ADGRG4: variants seen among roughly 807,000 people sequenced by gnomAD.
The protein encoded by ADGRG4 is adhesion G protein-coupled receptor G4.
A neutral mutation model predicts 126.2 loss-of-function variants in ADGRG4; 122 were observed. That is an observed-to-expected ratio of 0.97 (90% CI 0.83 to 1.12). ADGRG4 has a LOEUF of 1.12. Among genes scored for constraint, ADGRG4 ranks in the 50% most tolerant of loss-of-function variants. The probability of loss-of-function intolerance (pLI) is 0.00; values close to 1 mark genes in which losing one functional copy is unlikely to be tolerated. For missense variants in ADGRG4, 2,481 were observed against 2,251.8 expected (o/e 1.10, Z -2.06); for synonymous variants, 943 against 838.7 (o/e 1.12, Z -2.15).
chrX:136,349,784 C>T lies in ADGRG4; in HGVS notation c.6078C>T (p.Ala2026=). ...CCCCTCCGGCAACTGTATCTAATGC[C>T]CCTCATGTTATGACTTCCTCTACAG... The part of the protein sequence containing the change: ...SGSPPATVSN[A]PHVMTSSTVE... Residue 2026 remains alanine (A), a synonymous_variant, in exon 6 of 26, where the codon GCC becomes GCT. Transcript: ENST00000394143. The T allele has an allele frequency of 5.0e-6, 6 of 1,210,252 alleles. No individual in the cohort carries two copies. Among genetic ancestry groups the T allele is most frequent in the Middle Eastern group, 2.3e-4 (1 of 4,348 alleles).
At chrX:136,360,652 G>A (rs989616027) in intron 11 of ADGRG4, among the ~76,000 whole-genome samples, 1 of 111,389 alleles carries the variant, frequency 9.0e-6, no homozygotes, top group Admixed American at 9.6e-5. Flanking sequence ...TGAGGCAGGG[G>A]GATCACTTGA....
intron 16 of ADGRG4, among the ~76,000 whole-genome samples, chrX:136,390,142 C>T (rs1308453931): frequency 9.0e-6 from 1 of 111,423 alleles, no homozygotes; most frequent in African/African-American, 3.3e-5. Context: ...CCTCTAACTC[C>T]TGGGTTCAAG....
chrX:136,416,389 T>G, intron 25 of ADGRG4, 65 bp from the exon 26 acceptor site: 1 of 882,979 alleles, frequency 1.1e-6, no homozygotes, highest in Non-Finnish European at 1.6e-6. Context: ...AATTTTCTTA[T>G]GCTTCTACTA....
At chrX:136,356,053 C>T (rs1382341703) in intron 8 of ADGRG4, 73 bp from the exon 9 acceptor site, 24 of 760,143 alleles carry the variant, frequency 3.2e-5, no homozygotes, top group Non-Finnish European at 4.5e-5. Context: ...AGTTGCCTTT[C>T]TCCTGATCTC....
chrX:136,365,037 C>A (rs1051211302), intron 13 of ADGRG4, among the ~76,000 whole-genome samples: 1 of 111,997 alleles, frequency 8.9e-6, no homozygotes, highest in African/African-American at 3.2e-5. Flanking sequence ...ACTCCTTCAT[C>A]AACACAGCAT....
chrX:136,330,054 G>C (rs1045005010), intron 5 of ADGRG4, among the ~76,000 whole-genome samples: 1 of 110,637 alleles, frequency 9.0e-6, no homozygotes, highest in Non-Finnish European at 1.9e-5. Context: ...ATAACAAACA[G>C]AACATTGACA....
intron 20 of ADGRG4, among the ~76,000 whole-genome samples, chrX:136,398,586 T>G (rs921366096): frequency 8.9e-6 from 1 of 112,035 alleles, no homozygotes; most frequent in African/African-American, 3.2e-5. Context: ...TGTACTTCTC[T>G]GCACCCACCA....
chrX:136,351,472 C>A lies in ADGRG4; in HGVS notation c.6753C>A (p.Ser2251Arg). The stretch of plus-strand genomic sequence containing the variant: ...TTTCCTTCTACAATGTTGAAATGAG[C>A]TTCTCTGTCTTTGTTGAAGAGCCAA... Reference protein sequence around the residue: ...STVSFYNVEMSFSVFVEEPRI... With the variant: ...STVSFYNVEMRFSVFVEEPRI... Residue 2251 changes from serine (S) to arginine (R), a missense_variant, in exon 7 of 26, where the codon AGC (serine) becomes AGA (arginine). Ser to Arg is a moderately radical substitution (Grantham distance 110). Coordinates refer to ENST00000394143, the MANE Select transcript of ADGRG4 (RefSeq NM_153834.4). The A allele has an allele frequency of 8.7e-7, 1 of 1,151,974 alleles. No homozygotes were observed. The highest frequency in any genetic ancestry group is 2.0e-5 in the South Asian group (1 of 49,639). The allele number at this position is 1,151,974 out of a possible 1,213,427, so 94.9% of individuals were successfully genotyped here.
intron 4 of ADGRG4, among the ~76,000 whole-genome samples, chrX:136,321,777 T>C (rs2074840887): frequency 8.9e-6 from 1 of 112,154 alleles, no homozygotes; most frequent in Non-Finnish European, 1.9e-5. Context: ...GCCGAACTAC[T>C]TACCAAAAGA....
At chrX:136,328,445 G>A (rs1052466820) in intron 5 of ADGRG4, among the ~76,000 whole-genome samples, 83 of 111,866 alleles carry the variant, frequency 7.4e-4, no homozygotes, top group African/African-American at 2.6e-3. Flanking sequence ...TTTGACCTGT[G>A]AATGTATGAA....
chrX:136,344,879 T>C lies in ADGRG4; in HGVS notation c.1173T>C (p.Ile391=), dbSNP rs748196995. Residue 391 remains isoleucine (I), a synonymous_variant, in exon 6 of 26, where the codon ATT becomes ATC. Transcript: ENST00000394143. ...KNSVVSTTSA[I]KSQSAVTKTT... ...CAGTTGTATCTACAACTTCAGCAAT[T>C]AAATCTCAGTCGGCTGTTACGAAGA... 1.7e-6 allele frequency: 2 copies of C among 1,210,870 alleles called. No individual in the cohort carries two copies. The highest frequency in any genetic ancestry group is 2.2e-6 in the Non-Finnish European group (2 of 894,610).
intron 23 of ADGRG4, among the ~76,000 whole-genome samples, chrX:136,410,060 C>T (rs1173716128): frequency 8.9e-6 from 1 of 112,407 alleles, no homozygotes; most frequent in African/African-American, 3.2e-5. Flanking sequence ...CTGCCATATA[C>T]TAATTGCTAA....
At chrX:136,342,845 C>T (rs781104785) in intron 5 of ADGRG4, among the ~76,000 whole-genome samples, 32 of 105,177 alleles carry the variant, frequency 3.0e-4, no homozygotes, top group Middle Eastern at 4.8e-3. Context: ...TTCTTTTTAT[C>T]CTATGAGCAA....
intron 5 of ADGRG4, among the ~76,000 whole-genome samples, chrX:136,333,703 A>G (rs763193205): frequency 9.1e-6 from 1 of 110,079 alleles, no homozygotes; most frequent in Admixed American, 9.7e-5. Flanking sequence ...TTTTTAGTAG[A>G]GATGAGGTCT....
chrX:136,377,975 G>A (rs1214518659), intron 15 of ADGRG4, among the ~76,000 whole-genome samples: 2 of 110,401 alleles, frequency 1.8e-5, no homozygotes, highest in African/African-American at 6.6e-5. Context: ...CCTTTTGCAT[G>A]TCCATATAAA....
intron 23 of ADGRG4, among the ~76,000 whole-genome samples, chrX:136,410,554 C>G (rs1198166830): frequency 9.0e-6 from 1 of 111,681 alleles, no homozygotes; most frequent in Non-Finnish European, 1.9e-5. Context: ...GGACAACCAG[C>G]CAATTTAGAG....
intron 15 of ADGRG4, among the ~76,000 whole-genome samples, chrX:136,382,429 G>A (rs968959102): frequency 5.3e-5 from 6 of 112,243 alleles, no homozygotes; most frequent in East Asian, 2.8e-4. Flanking sequence ...TACAGTCTCC[G>A]TTTTTGTAGC....
At chrX:136,330,016 T>C (rs2148455369) in intron 5 of ADGRG4, among the ~76,000 whole-genome samples, 1 of 111,495 alleles carries the variant, frequency 9.0e-6, no homozygotes, top group East Asian at 2.8e-4. Flanking sequence ...TAGTTTCCTC[T>C]AATGGTGACA....
chrX:136,324,094 C>T (rs1227652564), intron 5 of ADGRG4, among the ~76,000 whole-genome samples: 6 of 111,770 alleles, frequency 5.4e-5, no homozygotes, highest in East Asian at 2.8e-4. Context: ...AGTAGACACA[C>T]GGTGACAATT....
Sources: allele counts gnomAD v4.1 joint callset (sites outside exome capture counted in the v4.1 genomes callset), GRCh38; gene constraint gnomAD v4.1.1; transcripts MANE v1.5; gene names NCBI Gene and HGNC (gene_info 2026-07-23, HGNC 2026-07-21).